The following TENM2 variants were observed in gnomAD, a reference collection of about 807,000 sequenced individuals.
The protein encoded by TENM2 is teneurin transmembrane protein 2.
TENM2 carries 52 observed loss-of-function variants against 245.2 expected under a neutral mutation model. That is an observed-to-expected ratio of 0.21 (90% confidence interval 0.17 to 0.27). TENM2 has a LOEUF of 0.27. Among genes scored for constraint, TENM2 ranks in the 10% least tolerant of loss-of-function variants. The pLI, the probability that TENM2 is intolerant of heterozygous loss-of-function variation, is 1.00. For synonymous variants in TENM2, 1,363 were observed against 1,438.9 expected (o/e 0.95, Z 1.19); for missense variants, 3,046 against 3,666.8 (o/e 0.83, Z 4.37).
chr5:167,263,635 A>T, the TENM2 span, among the ~76,000 whole-genome samples: 2 of 152,000 alleles, frequency 1.3e-5, no homozygotes, highest in Non-Finnish European at 2.9e-5. Flanking sequence ...ATGATTTTTT[A>T]TGTGCCAGTC....
At chr5:168,117,062 T>A (rs1243671225) in intron 9 of TENM2, among the ~76,000 whole-genome samples, 4 of 152,170 alleles carry the variant, frequency 2.6e-5, no homozygotes, top group Non-Finnish European at 4.4e-5. Flanking sequence ...GTCCAAGACC[T>A]GAAGGAGACC....
At chr5:167,019,249 A>G in the TENM2 span, among the ~76,000 whole-genome samples, 1 of 152,152 alleles carries the variant, frequency 6.6e-6, no homozygotes, top group Non-Finnish European at 1.5e-5. Flanking sequence ...GAATATTTCC[A>G]GGTAGAGAAG....
At chr5:168,148,909 AGATAGATAGATT>A (rs1452326180) in intron 12 of TENM2, among the ~76,000 whole-genome samples, 9 of 128,754 alleles carry the variant, frequency 7.0e-5, no homozygotes, top group African/African-American at 2.7e-4. Flanking sequence ...ATAGATAGAT[AGATAGATAGATT>A]GATAGATAGC....
intron 20 of TENM2, 124 bp downstream of exon 22, chr5:168,211,878 T>C: frequency 1.7e-6 from 1 of 579,032 alleles, no homozygotes; most frequent in Non-Finnish European, 3.0e-6. Flanking sequence ...ATAGTAACTT[T>C]TTTATGTGCT....
intron 2 of TENM2, among the ~76,000 whole-genome samples, chr5:167,426,834 A>G (rs1406797527): frequency 1.3e-5 from 2 of 152,184 alleles, no homozygotes; most frequent in African/African-American, 4.8e-5. Context: ...AATCAACAAC[A>G]TATGCTCTAC....
intron 1 of TENM2, among the ~76,000 whole-genome samples, chr5:167,357,718 G>A (rs946138535): frequency 6.6e-6 from 1 of 152,094 alleles, no homozygotes; most frequent in Non-Finnish European, 1.5e-5. Flanking sequence ...TAATAAATTT[G>A]TTCTCATATG....
chr5:168,036,707 G>GTATATATATATATATATATGTATGTGTA (rs202165206), intron 5 of TENM2, among the ~76,000 whole-genome samples: 23 of 114,160 alleles, frequency 2.0e-4, no homozygotes, highest in African/African-American at 7.0e-4. Context: ...ATATGTATGT[G>GTATATATATATATATATATGTATGTGTA]TATATATATG....
chr5:168,010,110 G>T (rs1287349133), intron 5 of TENM2, among the ~76,000 whole-genome samples: 1 of 152,198 alleles, frequency 6.6e-6, no homozygotes, highest in Non-Finnish European at 1.5e-5. Context: ...ATTAATTTTG[G>T]AGTGCATTCC....
At chr5:167,836,455 T>C (rs577632089) in intron 2 of TENM2, among the ~76,000 whole-genome samples, 1 of 152,344 alleles carries the variant, frequency 6.6e-6, no homozygotes, top group South Asian at 2.1e-4. Flanking sequence ...TGACAAATTG[T>C]GACATCTTTT....
the TENM2 span, among the ~76,000 whole-genome samples, chr5:167,196,644 G>A: frequency 2.0e-5 from 3 of 150,972 alleles, no homozygotes; most frequent in South Asian, 2.1e-4. Flanking sequence ...CTCTATATTC[G>A]TGGGTTTGCG....
intron 2 of TENM2, among the ~76,000 whole-genome samples, chr5:167,762,529 A>AG (rs1291125112): frequency 6.6e-6 from 1 of 152,158 alleles, no homozygotes; most frequent in Admixed American, 6.5e-5. Flanking sequence ...TCCAGTCTGC[A>AG]GTGCTCTGGT....
intron 2 of TENM2, among the ~76,000 whole-genome samples, chr5:167,839,041 A>G (rs556600291): frequency 3.3e-5 from 5 of 152,226 alleles, no homozygotes; most frequent in Non-Finnish European, 7.3e-5. Flanking sequence ...AAATGAAATG[A>G]CACAGGTACA....
intron 2 of TENM2, among the ~76,000 whole-genome samples, chr5:167,822,105 CT>C (rs1310585805): frequency 6.6e-6 from 1 of 152,008 alleles, no homozygotes; most frequent in Admixed American, 6.6e-5. Flanking sequence ...TGTTTGGACA[CT>C]TTTCCAGCAA....
At chr5:167,047,063 C>G in the TENM2 span, among the ~76,000 whole-genome samples, 4 of 152,180 alleles carry the variant, frequency 2.6e-5, no homozygotes, top group African/African-American at 9.7e-5. Context: ...AGACCTCTTA[C>G]CACCAAACAG....
intron 1 of TENM2, among the ~76,000 whole-genome samples, chr5:167,300,887 A>G (rs1755271843): frequency 6.6e-6 from 1 of 152,122 alleles, no homozygotes; most frequent in Admixed American, 6.5e-5. Context: ...GGGCAGGTGG[A>G]GATAACTAAA....
chr5:167,910,945 T>C (rs1463996652), intron 3 of TENM2, among the ~76,000 whole-genome samples: 4 of 152,218 alleles, frequency 2.6e-5, no homozygotes. Flanking sequence ...AATTTATGAA[T>C]ACATATTTTT....
the TENM2 span, among the ~76,000 whole-genome samples, chr5:167,275,415 T>C: frequency 1.2e-3 from 189 of 152,242 alleles, 4 homozygotes; most frequent in South Asian, 0.039. Flanking sequence ...TAAGATTTCA[T>C]AGGAATTTCA....
At chr5:167,056,751 A>G in the TENM2 span, among the ~76,000 whole-genome samples, 2 of 149,530 alleles carry the variant, frequency 1.3e-5, no homozygotes, top group Non-Finnish European at 3.0e-5. Context: ...CTAGGTGTTT[A>G]TTTATTCTCT....
intron 3 of TENM2, among the ~76,000 whole-genome samples, chr5:167,906,914 G>A (rs1466863453): frequency 6.6e-6 from 1 of 152,154 alleles, no homozygotes; most frequent in Non-Finnish European, 1.5e-5. Context: ...CTCCATCCTG[G>A]ATGATGCAGC....
Sources: gnomAD v4.1 joint callset for allele counts (sites outside exome capture counted in the v4.1 genomes callset) on GRCh38, gnomAD v4.1.1 for gene constraint, MANE v1.5 for transcripts, NCBI Gene and HGNC (gene_info 2026-07-23, HGNC 2026-07-21) for gene names.